CLDN2: variants seen among roughly 807,000 people sequenced by gnomAD.
The protein encoded by CLDN2 is claudin 2, also known as claudin-2.
Under a neutral mutation model 8.2 loss-of-function variants are expected in CLDN2, and 1 was observed. That is an observed-to-expected ratio of 0.12 (90% CI 0.04 to 0.58). The LOEUF (loss-of-function observed/expected upper bound fraction) is 0.58, where lower values mean the gene tolerates loss of function less well. Among genes scored for constraint, CLDN2 ranks in the 20% least tolerant of loss-of-function variants. CLDN2 has a pLI of 0.90. For synonymous variants in CLDN2, 70 were observed against 70.2 expected, an observed-to-expected ratio of 1.00 and a Z score of 0.01; for missense variants, 108 against 172.9, an observed-to-expected ratio of 0.62 and a Z score of 2.11.
intron 1 of CLDN2, among the ~76,000 whole-genome samples, chrX:106,913,354 C>T (rs1933269566): frequency 8.9e-6 from 1 of 112,254 alleles, no homozygotes; most frequent in South Asian, 3.7e-4. Flanking sequence ...CTCAGCCTCC[C>T]AAAGTGCTGG....
At chrX:106,923,974 C>A (rs368017396) in intron 1 of CLDN2, among the ~76,000 whole-genome samples, 6 of 111,357 alleles carry the variant, frequency 5.4e-5, no homozygotes, top group African/African-American at 2.0e-4. Flanking sequence ...TAAGGGAAAA[C>A]TAGAAGAATC....
At chrX:106,905,660 T>C (rs1933169410) in intron 1 of CLDN2, among the ~76,000 whole-genome samples, 1 of 111,274 alleles carries the variant, frequency 9.0e-6, no homozygotes, top group South Asian at 3.9e-4. Flanking sequence ...CTTTTCCACC[T>C]GTAAGTGGCC....
chrX:106,903,404 G>A, intron 1 of CLDN2: 1 of 790,734 alleles, frequency 1.3e-6, no homozygotes, highest in Non-Finnish European at 1.7e-6. Flanking sequence ...TATTCAGGGA[G>A]GACAGGGGTG....
intron 1 of CLDN2, among the ~76,000 whole-genome samples, chrX:106,922,421 C>T (rs1202596944): frequency 8.9e-6 from 1 of 112,590 alleles, no homozygotes; most frequent in Non-Finnish European, 1.9e-5. Context: ...CTTACTACTA[C>T]TTAGGACAGG....
chrX:106,902,280 C>G, intron 1 of CLDN2: 1 of 947,737 alleles, frequency 1.1e-6, no homozygotes, highest in Non-Finnish European at 1.5e-6. Flanking sequence ...CCTGAGATAA[C>G]AAGAGACCTC....
Position 106,928,663 on chromosome X carries a change from G to C in CLDN2, c.435G>C (p.Arg145=). 2 of 1,211,657 alleles carry C rather than the reference G, an allele frequency of 1.7e-6. No homozygotes were observed. Among genetic ancestry groups the C allele is most frequent in the South Asian group, 3.5e-5 (2 of 56,941 alleles). The part of the protein sequence containing the change: ...PVAWNLHGIL[R]DFYSPLVPDS... ...CCTGGAATCTTCATGGGATCCTACG[G>C]GACTTCTACTCACCACTGGTGCCTG... The change falls in exon 2 of 2, where the codon CGG becomes CGC. Residue 145 remains arginine (R), a synonymous_variant. Coordinates refer to ENST00000336803, the MANE Select transcript of CLDN2 (RefSeq NM_020384.4).
At chrX:106,901,869 G>C (rs1933103823) in intron 1 of CLDN2, among the ~76,000 whole-genome samples, 2 of 111,887 alleles carry the variant, frequency 1.8e-5, no homozygotes, top group South Asian at 7.5e-4. Context: ...GGTGCCAGGA[G>C]ACGAGGCCTC....
chrX:106,918,416 G>A (rs748173436), upstream of CLDN2: 4 of 112,096 alleles, frequency 3.6e-5, no homozygotes, highest in East Asian at 1.1e-3. Flanking sequence ...GCCCTGGAGA[G>A]ACCCTTGCTC....
At chrX:106,927,195 G>A (rs556175694) in intron 1 of CLDN2, among the ~76,000 whole-genome samples, 6 of 111,394 alleles carry the variant, frequency 5.4e-5, no homozygotes, top group African/African-American at 2.0e-4. Flanking sequence ...CCTTGAACAC[G>A]GCAAAATCTT....
intron 1 of CLDN2, among the ~76,000 whole-genome samples, chrX:106,904,920 A>G (rs1933159029): frequency 8.9e-6 from 1 of 112,110 alleles, no homozygotes; most frequent in African/African-American, 3.2e-5. Flanking sequence ...TGGTGAGAAG[A>G]AAGAGTGTTA....
At chrX:106,901,128 G>C (rs887732392) in intron 1 of CLDN2, among the ~76,000 whole-genome samples, 10 of 112,078 alleles carry the variant, frequency 8.9e-5, no homozygotes, top group Non-Finnish European at 1.1e-4. Flanking sequence ...TGGTTGGGTC[G>C]GGGGCCAGCC....
At chrX:106,926,006 C>CA (rs1021494495) in intron 1 of CLDN2, among the ~76,000 whole-genome samples, 1 of 111,017 alleles carries the variant, frequency 9.0e-6, no homozygotes, top group Non-Finnish European at 1.9e-5. Flanking sequence ...AATTCGGTCT[C>CA]AAAAAAAGAA....
chrX:106,910,769 G>A (rs1417029437), intron 1 of CLDN2, among the ~76,000 whole-genome samples: 1 of 110,586 alleles, frequency 9.0e-6, no homozygotes, highest in Non-Finnish European at 1.9e-5. Context: ...GAGAGATTAA[G>A]CAATTTACCC....
intron 1 of CLDN2, chrX:106,902,349 C>T (rs1297573185): frequency 8.4e-6 from 4 of 474,200 alleles, no homozygotes; most frequent in Non-Finnish European, 1.5e-5. Context: ...GCTCCTGAGC[C>T]CATTCCAGGA....
intron 1 of CLDN2, among the ~76,000 whole-genome samples, chrX:106,908,770 T>C (rs920864132): frequency 4.5e-5 from 5 of 110,156 alleles, no homozygotes; most frequent in African/African-American, 1.7e-4. Flanking sequence ...TTTCATACTC[T>C]ATAACAATGT....
At chrX:106,910,229 G>A (rs749400942) in intron 1 of CLDN2, among the ~76,000 whole-genome samples, 1 of 111,542 alleles carries the variant, frequency 9.0e-6, no homozygotes, top group African/African-American at 3.3e-5. Flanking sequence ...CTAGTAACTA[G>A]TGGCAGCTAT....
chrX:106,909,545 C>T (rs1285286052), intron 1 of CLDN2, among the ~76,000 whole-genome samples: 1 of 112,334 alleles, frequency 8.9e-6, no homozygotes, highest in Non-Finnish European at 1.9e-5. Context: ...GCCGGAGCCC[C>T]TGGGGTTGAG....
At chrX:106,916,975 A>G (rs1327570399), upstream of CLDN2, among the ~76,000 whole-genome samples, 1 of 112,227 alleles carries the variant, frequency 8.9e-6, no homozygotes, top group African/African-American at 3.2e-5. Flanking sequence ...CCTTCAGTCC[A>G]GGAGTTCAAG....
intron 1 of CLDN2, among the ~76,000 whole-genome samples, chrX:106,911,356 G>A (rs907830615): frequency 1.8e-5 from 2 of 111,855 alleles, no homozygotes; most frequent in Non-Finnish European, 3.8e-5. Context: ...CAGCTCATGA[G>A]TGATGGGAAT....
Sources: gnomAD v4.1 joint callset for allele counts (sites outside exome capture counted in the v4.1 genomes callset) on GRCh38, gnomAD v4.1.1 for gene constraint, MANE v1.5 for transcripts, NCBI Gene and HGNC (gene_info 2026-07-23, HGNC 2026-07-21) for gene names.